The following CNTLN variants were observed in gnomAD, a reference collection of about 807,000 sequenced individuals.
The protein encoded by CNTLN is centlein, centrosomal protein.
A neutral mutation model predicts 180.0 loss-of-function variants in CNTLN; 212 were observed. That is an observed-to-expected ratio of 1.18 (90% CI 1.05 to 1.32). The LOEUF (loss-of-function observed/expected upper bound fraction) is 1.32. CNTLN is among the 40% of genes most tolerant of loss of function. The pLI, the probability that CNTLN is intolerant of heterozygous loss-of-function variation, is 0.00. For missense variants in CNTLN, 2,095 were observed against 1,610.9 expected (o/e 1.30, Z -5.14); for synonymous variants, 722 against 563.1 (o/e 1.28, Z -3.99).
chr9:17,181,210 G>C (rs1208916700), intron 2 of CNTLN, among the ~76,000 whole-genome samples: 1 of 152,148 alleles, frequency 6.6e-6, no homozygotes, highest in African/African-American at 2.4e-5. Flanking sequence ...CTCTGAGGTG[G>C]TGTTCGTTTT....
intron 18 of CNTLN, among the ~76,000 whole-genome samples, chr9:17,456,218 G>A (rs1360910350): frequency 6.6e-6 from 1 of 152,082 alleles, no homozygotes; most frequent in East Asian, 1.9e-4. Context: ...AGATTTCCAG[G>A]TTTAAGGAGA....
rs71327899 is a variant in CNTLN at position 17,249,354 on chromosome 9, G to GT, written c.849+12778dup. 4.0e-3 allele frequency among the ~76,000 whole-genome samples: 397 copies of GT among 99,090 alleles called. 4 individuals carry two copies. Among genetic ancestry groups the GT allele is most frequent in the East Asian group, 0.011 (37 of 3,242 alleles). 65.0% of individuals were successfully genotyped at this position (99,090 alleles called of 152,430 possible). A position where few individuals can be genotyped will look rare whatever the true frequency, so the allele number is the denominator to read the frequency against. On this transcript the variant is annotated intron_variant, in intron 5 of 25. Coordinates refer to ENST00000380647, the MANE Select transcript of CNTLN (RefSeq NM_017738.4). ...CATTGGTTCTTTGATTGTTTTTTTT[G>GT]TTTTTTTTTTTTGAGCTGGAGTCTC...
At chr9:17,394,486 G>A (rs1306537770) in intron 14 of CNTLN, 48 bp from the exon 15 acceptor site, 4 of 1,237,862 alleles carry the variant, frequency 3.2e-6, no homozygotes, top group East Asian at 2.4e-5. Flanking sequence ...ATAAAGTATA[G>A]TAGATTATGG....
chr9:17,148,731 T>G (rs1016809976), intron 2 of CNTLN, among the ~76,000 whole-genome samples: 8 of 152,214 alleles, frequency 5.3e-5, no homozygotes, highest in African/African-American at 1.9e-4. Context: ...TTGACATCAG[T>G]TGGAAACATG....
chr9:17,473,241 C>G (rs1177587780), intron 23 of CNTLN, among the ~76,000 whole-genome samples: 1 of 152,150 alleles, frequency 6.6e-6, no homozygotes, highest in Non-Finnish European at 1.5e-5. Flanking sequence ...TCCACATTTC[C>G]CAGTCATTCT....
At chr9:17,211,796 T>C (rs973487345) in intron 2 of CNTLN, among the ~76,000 whole-genome samples, 1 of 152,148 alleles carries the variant, frequency 6.6e-6, no homozygotes, top group African/African-American at 2.4e-5. Context: ...GATTCCTAGG[T>C]ATTTTATTCT....
At chr9:17,470,958 A>T (rs1832017291) in intron 23 of CNTLN, among the ~76,000 whole-genome samples, 1 of 152,054 alleles carries the variant, frequency 6.6e-6, no homozygotes, top group Non-Finnish European at 1.5e-5. Context: ...AATTGTTAAT[A>T]CCTTGGCACT....
At position 17,291,009 on chromosome 9, in the gene CNTLN, C is replaced by T. The variant is rs933039484; in HGVS notation, c.984-7181C>T. Among the ~76,000 whole-genome samples the T allele has an allele frequency of 4.6e-5, 7 of 152,268 alleles. No homozygotes were observed. The East Asian group carries it at 1.4e-3, about 29-fold the overall frequency. On this transcript the variant is annotated intron_variant, in intron 6 of 25. Transcript: ENST00000380647. ...TGGGAGCTGTAGACCGGAGCTGTTC[C>T]TATTCGGCCATCTTGGCTCCTCCCC...
chr9:17,138,772 T>A (rs1405132293), intron 1 of CNTLN, among the ~76,000 whole-genome samples: 2 of 152,298 alleles, frequency 1.3e-5, no homozygotes, highest in East Asian at 3.9e-4. Context: ...ATTCCTCCAG[T>A]AGAGGTCAAT....
chr9:17,511,572 G>T, the CNTLN span, among the ~76,000 whole-genome samples: 1,241 of 151,972 alleles, frequency 8.2e-3, 12 homozygotes, highest in African/African-American at 0.028. Context: ...CTAGCTATTG[G>T]TTGGAGTCTG....
chr9:17,298,369 T>C lies in CNTLN; in HGVS notation c.1146+17T>C. On this transcript the variant is annotated intron_variant, in intron 7 of 25. Transcript: ENST00000380647. ...TATCAAAAAGTATGCTTTTATTCTG[T>C]AATAAAGATGTAAATGTTTATGTAT... 1 of 1,594,196 alleles carries C rather than the reference T, an allele frequency of 6.3e-7. No individual in the cohort carries two copies. Among genetic ancestry groups the C allele is most frequent in the Non-Finnish European group, 8.5e-7 (1 of 1,172,028 alleles).
At chr9:17,307,707 C>T (rs780373430) in intron 7 of CNTLN, among the ~76,000 whole-genome samples, 1 of 151,896 alleles carries the variant, frequency 6.6e-6, no homozygotes, top group Non-Finnish European at 1.5e-5. Flanking sequence ...GTTTTACAAG[C>T]CTTTTTAAAT....
At chr9:17,253,071 G>C (rs115465179) in intron 5 of CNTLN, among the ~76,000 whole-genome samples, 2,042 of 151,784 alleles carry the variant, frequency 0.013, 49 homozygotes, top group African/African-American at 0.047. Context: ...TTGAAGATCA[G>C]TCAGCTATGA....
At chr9:17,290,282 T>A (rs1258337014) in intron 6 of CNTLN, among the ~76,000 whole-genome samples, 4 of 151,916 alleles carry the variant, frequency 2.6e-5, no homozygotes, top group Admixed American at 2.6e-4. Context: ...GAGGTGTCAG[T>A]CTGCCCCTGC....
intron 2 of CNTLN, among the ~76,000 whole-genome samples, chr9:17,209,204 T>G (rs1200381344): frequency 6.6e-6 from 1 of 152,162 alleles, no homozygotes; most frequent in East Asian, 1.9e-4. Flanking sequence ...ATTGTTTAAT[T>G]TTCATGTGTT....
At chr9:17,257,022 T>A (rs942954556) in intron 5 of CNTLN, among the ~76,000 whole-genome samples, 1 of 151,842 alleles carries the variant, frequency 6.6e-6, no homozygotes, top group African/African-American at 2.4e-5. Flanking sequence ...CATGTGCACA[T>A]TGTGCAGGTT....
intron 2 of CNTLN, among the ~76,000 whole-genome samples, chr9:17,176,106 C>T (rs905813426): frequency 1.3e-5 from 2 of 150,918 alleles, no homozygotes; most frequent in East Asian, 1.9e-4. Context: ...TTTTATTTTC[C>T]CTTATTGTGT....
chr9:17,366,222 C>G (rs1198756958), intron 12 of CNTLN, among the ~76,000 whole-genome samples: 1 of 152,034 alleles, frequency 6.6e-6, no homozygotes, highest in East Asian at 1.9e-4. Context: ...AAGTCTTGGG[C>G]TGAATTAATC....
At chr9:17,492,126 A>G (rs1431405025) in intron 25 of CNTLN, among the ~76,000 whole-genome samples, 1 of 152,092 alleles carries the variant, frequency 6.6e-6, no homozygotes, top group Non-Finnish European at 1.5e-5. Flanking sequence ...CTCTACTCAC[A>G]GCCTTGCTGT....
Sources: allele counts gnomAD v4.1 joint callset (sites outside exome capture counted in the v4.1 genomes callset), GRCh38; gene constraint gnomAD v4.1.1; transcripts MANE v1.5; gene names NCBI Gene and HGNC (gene_info 2026-07-23, HGNC 2026-07-21).